Variants in TACR1 observed in about 807,000 individuals in gnomAD.
The protein encoded by TACR1 is substance-P receptor.
Under a neutral mutation model 35.8 loss-of-function variants are expected in TACR1, and 25 were observed. The ratio of observed to expected loss-of-function variants is 0.70; its 90% confidence interval spans 0.51 to 0.98. TACR1 has a LOEUF of 0.98. TACR1 is among the 50% of genes least tolerant of loss of function. TACR1 has a pLI of 0.00. For synonymous variants in TACR1, 195 were observed against 206.7 expected (o/e 0.94, Z 0.48); for missense variants, 478 against 522.9 (o/e 0.91, Z 0.84).
At chr2:75,166,234 A>C (rs1333180854) in intron 1 of TACR1, among the ~76,000 whole-genome samples, 1 of 152,244 alleles carries the variant, frequency 6.6e-6, no homozygotes, top group Non-Finnish European at 1.5e-5. Flanking sequence ...CTAGAAATTG[A>C]TTCAGTAAAA....
At chr2:75,163,670 C>T (rs1259112936) in intron 1 of TACR1, among the ~76,000 whole-genome samples, 1 of 152,082 alleles carries the variant, frequency 6.6e-6, no homozygotes, top group Non-Finnish European at 1.5e-5. Context: ...ATATGATATT[C>T]AACGTTGTTT....
chr2:75,123,746 C>G (rs1572943505), intron 1 of TACR1, among the ~76,000 whole-genome samples: 1 of 152,074 alleles, frequency 6.6e-6, no homozygotes, highest in Non-Finnish European at 1.5e-5. Context: ...CTCTTGCAAT[C>G]CTCATTTCTG....
Position 75,161,182 on chromosome 2 carries a change from A to G in TACR1, c.389+37364T>C, listed in dbSNP as rs535321840. On this transcript the variant is annotated intron_variant, in intron 1 of 4. Coordinates refer to ENST00000305249, the MANE Select transcript of TACR1 (RefSeq NM_001058.4). ...CCCCAAAACAAACAAAAACCACACT[A>G]CTCAAAGACATTAGGGATAAACGGT... Among the ~76,000 whole-genome samples the G allele has an allele frequency of 6.6e-5, 10 of 152,192 alleles. No individual in the cohort carries two copies. The East Asian group carries it at 1.7e-3, about 26-fold the overall frequency.
At chr2:75,188,579 A>C (rs1176469423) in intron 1 of TACR1, 1 of 152,212 alleles carries the variant, frequency 6.6e-6, no homozygotes, top group Admixed American at 6.5e-5. Context: ...ATTATTTTTT[A>C]TTATCTGAAA....
At chr2:75,161,790 C>A (rs1446027898) in intron 1 of TACR1, among the ~76,000 whole-genome samples, 1 of 151,798 alleles carries the variant, frequency 6.6e-6, no homozygotes. Context: ...ATGTGAAAAA[C>A]CATATGGACT....
chr2:75,169,809 G>A (rs1016574840), intron 1 of TACR1, among the ~76,000 whole-genome samples: 2 of 152,118 alleles, frequency 1.3e-5, no homozygotes, highest in African/African-American at 4.8e-5. Flanking sequence ...AGTATGTGGA[G>A]TTGGATTTCT....
At chr2:75,175,573 G>C (rs58621292) in intron 1 of TACR1, among the ~76,000 whole-genome samples, 9,864 of 152,016 alleles carry the variant, frequency 0.065, 380 homozygotes, top group African/African-American at 0.1. Flanking sequence ...ATGGCCTTTT[G>C]CTCTGTTTTC....
intron 2 of TACR1, among the ~76,000 whole-genome samples, chr2:75,079,519 C>T (rs1206818685): frequency 6.6e-6 from 1 of 152,142 alleles, no homozygotes; most frequent in African/African-American, 2.4e-5. Flanking sequence ...TCTTGATTTC[C>T]CTCCTAATGT....
intron 1 of TACR1, among the ~76,000 whole-genome samples, chr2:75,140,876 G>A (rs1674387545): frequency 1.3e-5 from 2 of 152,288 alleles, no homozygotes; most frequent in East Asian, 1.9e-4. Context: ...CAAACTCCCA[G>A]TTTAACAGTC....
intron 2 of TACR1, among the ~76,000 whole-genome samples, chr2:75,101,952 T>G (rs1331268852): frequency 6.6e-6 from 1 of 151,342 alleles, no homozygotes; most frequent in Non-Finnish European, 1.5e-5. Context: ...TCTCCAAAAA[T>G]AAAAAATAAA....
chr2:75,100,802 T>C (rs571678740), intron 2 of TACR1, among the ~76,000 whole-genome samples: 3 of 152,350 alleles, frequency 2.0e-5, no homozygotes, highest in Non-Finnish European at 4.4e-5. Context: ...CAAAAAATAA[T>C]GTTCTTGGTA....
At chr2:75,143,501 A>G (rs999596569) in intron 1 of TACR1, among the ~76,000 whole-genome samples, 1 of 152,182 alleles carries the variant, frequency 6.6e-6, no homozygotes, top group Non-Finnish European at 1.5e-5. Flanking sequence ...ATCGAGCATT[A>G]CTGTGTGTAG....
chr2:75,163,214 G>A (rs1158931615), intron 1 of TACR1, among the ~76,000 whole-genome samples: 1 of 152,222 alleles, frequency 6.6e-6, no homozygotes, highest in Non-Finnish European at 1.5e-5. Context: ...AGGAGACTTT[G>A]GGAGAGCAAG....
intron 1 of TACR1, among the ~76,000 whole-genome samples, chr2:75,122,068 C>T (rs955679947): frequency 3.9e-5 from 6 of 152,200 alleles, no homozygotes; most frequent in Non-Finnish European, 7.3e-5. Context: ...CACAGCGTTT[C>T]CTTCTGGGCT....
intron 1 of TACR1, among the ~76,000 whole-genome samples, chr2:75,152,550 C>A (rs1674697528): frequency 6.6e-6 from 1 of 152,120 alleles, no homozygotes; most frequent in African/African-American, 2.4e-5. Context: ...CTTTTTCTTC[C>A]CAGTCTCAGT....
chr2:75,195,328 C>A (rs913402656), intron 1 of TACR1, among the ~76,000 whole-genome samples: 1 of 151,308 alleles, frequency 6.6e-6, no homozygotes, highest in African/African-American at 2.4e-5. Flanking sequence ...TTTCTTCCCT[C>A]CCCTCCTCTC....
At chr2:75,053,812 A>G in intron 2 of TACR1, 57 bp from the exon 3 acceptor site, 1 of 1,606,078 alleles carries the variant, frequency 6.2e-7, no homozygotes, top group Admixed American at 1.7e-5. Context: ...TTAGGTTTTT[A>G]ATTTTTGTTA....
intron 2 of TACR1, among the ~76,000 whole-genome samples, chr2:75,074,939 C>A (rs1388038527): frequency 6.6e-6 from 1 of 152,182 alleles, no homozygotes; most frequent in Admixed American, 6.5e-5. Context: ...GGAAACCCCT[C>A]AGTTCCAGGA....
At chr2:75,112,654 T>G (rs1673774784) in intron 2 of TACR1, among the ~76,000 whole-genome samples, 1 of 152,176 alleles carries the variant, frequency 6.6e-6, no homozygotes, top group Admixed American at 6.5e-5. Context: ...TTTTTCATTT[T>G]ATTTTGTCAA....
Sources: gnomAD v4.1 joint callset for allele counts (sites outside exome capture counted in the v4.1 genomes callset) on GRCh38, gnomAD v4.1.1 for gene constraint, MANE v1.5 for transcripts, NCBI Gene and HGNC (gene_info 2026-07-23, HGNC 2026-07-21) for gene names.